PCED1B: variants seen among roughly 807,000 people sequenced by gnomAD.
PCED1B encodes PC-esterase domain-containing protein 1B.
For missense variants in PCED1B, 573 were observed against 573.9 expected, an observed-to-expected ratio of 1.00 and a Z score of 0.02; for synonymous variants, 251 against 246.1, an observed-to-expected ratio of 1.02 and a Z score of -0.19.
rs74350363 is a variant in PCED1B, at chr12:47,182,794, C to A, written c.-525-33428C>A. ...GCTGCAACTTGAACTCAGGCTGACT[C>A]CAGAACCCTAGCTCTCACTCGCCAC... On this transcript the variant is annotated intron_variant, in intron 2 of 3. Transcript: ENST00000546455. Among the ~76,000 whole-genome samples the A allele has an allele frequency of 3.6e-3, 546 of 152,238 alleles. 10 individuals carry two copies. The South Asian group carries it at 0.04, about 11-fold the overall frequency.
intron 2 of PCED1B, among the ~76,000 whole-genome samples, chr12:47,215,415 A>G (rs1014068748): frequency 2.0e-5 from 3 of 151,792 alleles, no homozygotes; most frequent in East Asian, 3.9e-4. Flanking sequence ...CACCACGCCC[A>G]GCTAATTTTT....
rs979469919 is a variant in PCED1B at position 47,166,359 on chromosome 12, G to T, written c.-525-49863G>T. ...TAAAATGCCCAGTAGCCTCTATATGGATTGGAGTTGAGCTCAGTTCCATAC... is the reference window on the plus strand; with the variant it reads ...TAAAATGCCCAGTAGCCTCTATATGTATTGGAGTTGAGCTCAGTTCCATAC... On this transcript the variant is annotated intron_variant, in intron 2 of 3. Coordinates refer to ENST00000546455, the MANE Select transcript of PCED1B (RefSeq NM_138371.3). Among the ~76,000 whole-genome samples the T allele has an allele frequency of 2.0e-5, 3 of 152,104 alleles. No homozygotes were observed. The East Asian group carries it at 5.8e-4, about 29-fold the overall frequency.
At chr12:47,175,022 A>C (rs1941876659) in intron 2 of PCED1B, among the ~76,000 whole-genome samples, 2 of 152,236 alleles carry the variant, frequency 1.3e-5, no homozygotes. Context: ...TGTAATAACT[A>C]TATACCATAT....
At position 47,236,002 on chromosome 12, in the gene PCED1B, C is replaced by G; in HGVS notation, c.939C>G (p.Leu313=). ...LGFPPQRLPL[L]PLLSPQPPPP... ...TCCCACCCCAGCGCTTGCCGCTGCTCCCGCTCCTGTCCCCACAGCCTCCTC... is the reference window on the plus strand; with the variant it reads ...TCCCACCCCAGCGCTTGCCGCTGCTGCCGCTCCTGTCCCCACAGCCTCCTC... Residue 313 remains leucine (L), a synonymous_variant, in exon 4 of 4, where the codon CTC becomes CTG. Transcript: ENST00000546455. The G allele has an allele frequency of 6.2e-7, 1 of 1,613,228 alleles. No individual in the cohort carries two copies. The highest frequency in any genetic ancestry group is 8.5e-7 in the Non-Finnish European group (1 of 1,179,692).
chr12:47,088,410 G>A (rs534549183), intron 1 of PCED1B, among the ~76,000 whole-genome samples: 1 of 152,120 alleles, frequency 6.6e-6, no homozygotes, highest in Non-Finnish European at 1.5e-5. Flanking sequence ...AGCTGCTGCA[G>A]ACTGGAATGA....
At position 47,235,867 on chromosome 12, in the gene PCED1B, G is replaced by GA. The variant is rs1216001667; in HGVS notation, c.810dup (p.Pro271ThrfsTer128). The GA allele has an allele frequency of 3.2e-6, 5 of 1,581,180 alleles. No individual in the cohort carries two copies. In the Admixed American group the frequency reaches 5.6e-5, roughly 18 times the overall value. The stretch of plus-strand genomic sequence containing the variant: ...ACCCCGTGGGCGAGTGGATCAAGAA[G>GA]AAAAAACCTGGCCCGAGAGTCGAAG... On this transcript the variant is annotated frameshift_variant, in exon 4 of 4. Transcript: ENST00000546455. LOFTEE classifies it low-confidence loss of function (END_TRUNC).
chr12:47,128,591 T>C (rs1592174810), intron 2 of PCED1B, among the ~76,000 whole-genome samples: 1 of 152,230 alleles, frequency 6.6e-6, no homozygotes, highest in Admixed American at 6.5e-5. Flanking sequence ...TAATATAGAT[T>C]GGCAAGCTGT....
intron 3 of PCED1B, among the ~76,000 whole-genome samples, chr12:47,220,178 A>G (rs988322859): frequency 6.6e-6 from 1 of 151,440 alleles, no homozygotes; most frequent in Non-Finnish European, 1.5e-5. Flanking sequence ...ATTTATTTTT[A>G]ATTTATTTTT....
rs535464743 is a variant in PCED1B at position 47,108,495 on chromosome 12, T to A, written c.-526+4300T>A. Among the ~76,000 whole-genome samples the A allele has an allele frequency of 2.0e-4, 30 of 152,348 alleles. No homozygotes were observed. The South Asian group carries it at 5.6e-3, about 28-fold the overall frequency. On this transcript the variant is annotated intron_variant, in intron 2 of 3. Coordinates refer to ENST00000546455, the MANE Select transcript of PCED1B (RefSeq NM_138371.3). ...ACATCAGATTGTGTTTTTCCCCACA[T>A]CTTCGCCAGGCTTGTATGATCATCT... is the stretch of plus-strand genomic sequence containing the variant.
At chr12:47,220,074 A>G (rs1024961990) in intron 3 of PCED1B, among the ~76,000 whole-genome samples, 17 of 115,598 alleles carry the variant, frequency 1.5e-4, no homozygotes, top group Non-Finnish European at 9.1e-5. Context: ...GCCTCAAAAA[A>G]AAAAAAAAAA....
intron 2 of PCED1B, among the ~76,000 whole-genome samples, chr12:47,150,216 G>A (rs1940938506): frequency 6.6e-6 from 1 of 152,080 alleles, no homozygotes; most frequent in Admixed American, 6.6e-5. Context: ...TACTGCTCTA[G>A]ATCAGGGAGT....
chr12:47,134,339 C>A (rs561716423), intron 2 of PCED1B, among the ~76,000 whole-genome samples: 1 of 152,304 alleles, frequency 6.6e-6, no homozygotes, highest in African/African-American at 2.4e-5. Flanking sequence ...TTCTTCTTTT[C>A]TTCCTTTTGT....
chr12:47,090,638 T>C (rs1451650761), intron 1 of PCED1B, among the ~76,000 whole-genome samples: 2 of 152,210 alleles, frequency 1.3e-5, no homozygotes, highest in Non-Finnish European at 2.9e-5. Context: ...GTAACCACTC[T>C]GCTGACATCT....
intron 2 of PCED1B, among the ~76,000 whole-genome samples, chr12:47,131,193 G>A (rs934245265): frequency 6.6e-6 from 1 of 152,100 alleles, no homozygotes; most frequent in Admixed American, 6.6e-5. Flanking sequence ...AAAATGTCAA[G>A]CCATTGTCAC....
intron 3 of PCED1B, among the ~76,000 whole-genome samples, chr12:47,233,160 G>A (rs997518777): frequency 6.6e-6 from 1 of 152,234 alleles, no homozygotes; most frequent in African/African-American, 2.4e-5. Context: ...TTCCACCTTG[G>A]CCTTCCAAAG....
chr12:47,234,074 T>C (rs902566103), intron 3 of PCED1B, among the ~76,000 whole-genome samples: 3 of 152,200 alleles, frequency 2.0e-5, no homozygotes, highest in Non-Finnish European at 2.9e-5. Flanking sequence ...TGGCAACCTT[T>C]GCCTCCTGGG....
At chr12:47,226,323 A>C (rs1163290129) in intron 3 of PCED1B, among the ~76,000 whole-genome samples, 1 of 152,168 alleles carries the variant, frequency 6.6e-6, no homozygotes. Flanking sequence ...CCGTTTTAGC[A>C]GCCAGCTCTT....
intron 1 of PCED1B, among the ~76,000 whole-genome samples, chr12:47,103,663 T>C (rs905553934): frequency 3.3e-5 from 5 of 152,170 alleles, no homozygotes; most frequent in Non-Finnish European, 7.4e-5. Flanking sequence ...TAGCCTCTAC[T>C]TTCCTCATGC....
chr12:47,103,105 A>T (rs928525768), intron 1 of PCED1B, among the ~76,000 whole-genome samples: 20 of 150,178 alleles, frequency 1.3e-4, no homozygotes, highest in South Asian at 8.4e-4. Flanking sequence ...ACAGAGTTTT[A>T]AAAAAAAAAT....
Sources: allele counts gnomAD v4.1 joint callset (sites outside exome capture counted in the v4.1 genomes callset), GRCh38; gene constraint gnomAD v4.1.1; transcripts MANE v1.5; gene names NCBI Gene and HGNC (gene_info 2026-07-23, HGNC 2026-07-21).